Variants in SPOCK3 observed in about 807,000 individuals in gnomAD.
SPOCK3 encodes SPARC (osteonectin), cwcv and kazal like domains proteoglycan 3.
SPOCK3 carries 30 observed loss-of-function variants against 56.6 expected under a neutral mutation model. That is an observed-to-expected ratio of 0.53 (90% confidence interval 0.40 to 0.72). The LOEUF (loss-of-function observed/expected upper bound fraction) is 0.72. SPOCK3 is among the 30% of genes least tolerant of loss of function. The pLI is 0.00. For missense variants in SPOCK3, 527 were observed against 530.0 expected, an observed-to-expected ratio of 0.99 and a Z score of 0.06; for synonymous variants, 196 against 183.3, an observed-to-expected ratio of 1.07 and a Z score of -0.56.
intron 3 of SPOCK3, among the ~76,000 whole-genome samples, chr4:167,059,028 G>C (rs1475023620): frequency 6.6e-6 from 1 of 151,956 alleles, no homozygotes; most frequent in African/African-American, 2.4e-5. Flanking sequence ...TTAAACGTTA[G>C]ACCTAAAACC....
At chr4:166,949,650 C>T (rs1742267059) in intron 4 of SPOCK3, among the ~76,000 whole-genome samples, 2 of 152,064 alleles carry the variant, frequency 1.3e-5, no homozygotes, top group Non-Finnish European at 2.9e-5. Context: ...GTTTGCAGAA[C>T]AGCGGTTTTT....
At chr4:167,206,105 C>T (rs185978388) in intron 2 of SPOCK3, among the ~76,000 whole-genome samples, 218 of 151,992 alleles carry the variant, frequency 1.4e-3, no homozygotes, top group Admixed American at 0.013. Context: ...GGGTGGATCA[C>T]TTGAGGTCAG....
At chr4:166,821,205 C>G (rs1197437807) in intron 6 of SPOCK3, among the ~76,000 whole-genome samples, 2 of 151,916 alleles carry the variant, frequency 1.3e-5, no homozygotes, top group Non-Finnish European at 2.9e-5. Flanking sequence ...CTGATAAGCA[C>G]ATGGAAAGAT....
chr4:166,999,405 A>G (rs1369000938), intron 4 of SPOCK3, among the ~76,000 whole-genome samples: 1 of 152,192 alleles, frequency 6.6e-6, no homozygotes, highest in Non-Finnish European at 1.5e-5. Flanking sequence ...GCTGTTTCCT[A>G]GAAATGCTAT....
intron 7 of SPOCK3, among the ~76,000 whole-genome samples, chr4:166,767,057 C>G (rs1231388447): frequency 2.6e-5 from 4 of 151,996 alleles, no homozygotes; most frequent in Non-Finnish European, 4.4e-5. Flanking sequence ...TTGTTTATTG[C>G]ATCTATTTGA....
chr4:166,864,741 A>G (rs1731610941), intron 6 of SPOCK3, among the ~76,000 whole-genome samples: 1 of 151,992 alleles, frequency 6.6e-6, no homozygotes, highest in South Asian at 2.1e-4. Flanking sequence ...GGAAGAAGTC[A>G]AATCCCTGAA....
At chr4:166,822,394 A>C (rs1350816039) in intron 6 of SPOCK3, among the ~76,000 whole-genome samples, 2 of 152,044 alleles carry the variant, frequency 1.3e-5, no homozygotes, top group African/African-American at 2.4e-5. Flanking sequence ...AACCTCTTTG[A>C]ACACTCTTTG....
chr4:166,936,914 T>G (rs1022724925), intron 4 of SPOCK3, among the ~76,000 whole-genome samples: 1 of 152,164 alleles, frequency 6.6e-6, no homozygotes, highest in African/African-American at 2.4e-5. Flanking sequence ...TTTGATAATC[T>G]TATTTTCATT....
At chr4:167,105,716 A>G (rs1760066671) in intron 2 of SPOCK3, among the ~76,000 whole-genome samples, 1 of 151,930 alleles carries the variant, frequency 6.6e-6, no homozygotes, top group Non-Finnish European at 1.5e-5. Flanking sequence ...AAAATTAAAA[A>G]AAGACCCAAT....
At chr4:167,198,261 A>C (rs1023672152) in intron 2 of SPOCK3, among the ~76,000 whole-genome samples, 2 of 152,132 alleles carry the variant, frequency 1.3e-5, no homozygotes, top group African/African-American at 2.4e-5. Flanking sequence ...AAAAAAATTA[A>C]AGTCTTTCTG....
chr4:167,194,513 G>A (rs571270764), intron 2 of SPOCK3, among the ~76,000 whole-genome samples: 41 of 152,294 alleles, frequency 2.7e-4, no homozygotes, highest in Admixed American at 4.6e-4. Context: ...TGTGATCCAC[G>A]TAGCCTTTCA....
intron 2 of SPOCK3, among the ~76,000 whole-genome samples, chr4:167,082,595 G>C (rs112298984): frequency 2.0e-5 from 3 of 151,968 alleles, no homozygotes; most frequent in African/African-American, 7.2e-5. Flanking sequence ...CTAAAATGAA[G>C]TTGGATGAAT....
intron 7 of SPOCK3, among the ~76,000 whole-genome samples, chr4:166,764,999 T>A (rs925292024): frequency 6.6e-6 from 1 of 152,214 alleles, no homozygotes; most frequent in Non-Finnish European, 1.5e-5. Flanking sequence ...TTTTGAGAAG[T>A]GTCTGTTCAT....
intron 2 of SPOCK3, among the ~76,000 whole-genome samples, chr4:167,231,902 C>T (rs1246809111): frequency 3.9e-5 from 6 of 152,140 alleles, no homozygotes; most frequent in South Asian, 2.1e-4. Flanking sequence ...AATACTAAAA[C>T]CTGATGAAAG....
At chr4:167,043,007 A>C (rs2150204425) in intron 3 of SPOCK3, among the ~76,000 whole-genome samples, 1 of 152,106 alleles carries the variant, frequency 6.6e-6, no homozygotes, top group South Asian at 2.1e-4. Flanking sequence ...TTCAATAGCA[A>C]CCTCATCACT....
At chr4:167,135,752 T>C (rs932565316) in intron 2 of SPOCK3, among the ~76,000 whole-genome samples, 1 of 150,436 alleles carries the variant, frequency 6.6e-6, no homozygotes. Flanking sequence ...CACCAGAAAC[T>C]AAAACAAAAG....
At chr4:167,154,232 A>C (rs1434507442) in intron 2 of SPOCK3, among the ~76,000 whole-genome samples, 3 of 151,972 alleles carry the variant, frequency 2.0e-5, no homozygotes, top group Non-Finnish European at 4.4e-5. Flanking sequence ...ACACACACAC[A>C]CAATGTTTAT....
chr4:166,754,706 T>C lies in SPOCK3; in HGVS notation c.733A>G (p.Ile245Val), dbSNP rs749259760. Residue 245 changes from isoleucine (I) to valine (V), a missense_variant, in exon 8 of 11, where the codon ATT becomes GTT. By Grantham distance (29) the Ile-to-Val change is conservative. Transcript: ENST00000357545. ...RSRFDTSILP[I>V]CKDSLGWMFN... ...ATCCAGCCAAGTGAGTCCTTGCAAATTGGCAAGATGCTGGTATCGAATCCT... is the reference window on the plus strand; with the variant it reads ...ATCCAGCCAAGTGAGTCCTTGCAAACTGGCAAGATGCTGGTATCGAATCCT... 3.0e-5 allele frequency: 48 copies of C among 1,613,342 alleles called. No individual in the cohort carries two copies. The highest frequency in any genetic ancestry group is 1.3e-4 in the Admixed American group (8 of 59,884).
At chr4:166,829,735 G>A (rs796182754) in intron 6 of SPOCK3, among the ~76,000 whole-genome samples, 4 of 151,988 alleles carry the variant, frequency 2.6e-5, no homozygotes, top group Non-Finnish European at 4.4e-5. Flanking sequence ...AGATAATATT[G>A]TCTTAGATAA....
Sources: allele counts gnomAD v4.1 joint callset (sites outside exome capture counted in the v4.1 genomes callset), GRCh38; gene constraint gnomAD v4.1.1; transcripts MANE v1.5; gene names NCBI Gene and HGNC (gene_info 2026-07-23, HGNC 2026-07-21).